The following ERBB4 variants were observed in gnomAD, a reference collection of about 807,000 sequenced individuals.
The protein encoded by ERBB4 is receptor tyrosine-protein kinase erbB-4.
In ERBB4, 42 loss-of-function variants were observed where a neutral mutation model predicts 158.0. The ratio of observed to expected loss-of-function variants is 0.27; its 90% CI spans 0.21 to 0.34. The LOEUF is 0.34. Among genes scored for constraint, ERBB4 ranks in the 10% least tolerant of loss-of-function variants. The pLI, the probability that ERBB4 is intolerant of heterozygous loss-of-function variation, is 1.00. For synonymous variants in ERBB4, 583 were observed against 558.7 expected (o/e 1.04, Z -0.61); for missense variants, 1,333 against 1,624.1 (o/e 0.82, Z 3.08).
intron 19 of ERBB4, among the ~76,000 whole-genome samples, chr2:211,615,884 G>A (rs893934275): frequency 6.6e-6 from 1 of 152,042 alleles, no homozygotes; most frequent in Non-Finnish European, 1.5e-5. Context: ...GGAGAAAAGG[G>A]AGTCTAATGA....
intron 2 of ERBB4, among the ~76,000 whole-genome samples, chr2:212,087,662 G>T (rs139691685): frequency 1.3e-5 from 2 of 152,016 alleles, no homozygotes; most frequent in African/African-American, 4.8e-5. Context: ...CCGGGAGACA[G>T]GTTCTCAGTC....
chr2:211,642,039 GT>G (rs1241082639), intron 16 of ERBB4, among the ~76,000 whole-genome samples: 1 of 151,830 alleles, frequency 6.6e-6, no homozygotes, highest in Non-Finnish European at 1.5e-5. Context: ...GTAATAATGA[GT>G]TCTTAAAAAT....
chr2:211,543,454 A>C (rs10192302), intron 20 of ERBB4, among the ~76,000 whole-genome samples: 49,654 of 151,854 alleles, frequency 0.33, 9,336 homozygotes, highest in East Asian at 0.62. Context: ...GGCTCACAGA[A>C]TTCTCCCTTC....
chr2:211,554,729 G>A (rs978248141), intron 20 of ERBB4, among the ~76,000 whole-genome samples: 2 of 152,116 alleles, frequency 1.3e-5, no homozygotes, highest in South Asian at 2.1e-4. Context: ...GTTGGTATTC[G>A]GCTCCTGACT....
At chr2:211,403,402 A>G (rs1017174373) in intron 25 of ERBB4, among the ~76,000 whole-genome samples, 5 of 152,104 alleles carry the variant, frequency 3.3e-5, no homozygotes, top group Non-Finnish European at 7.4e-5. Flanking sequence ...ATTATACCAC[A>G]GGTTCTTATC....
chr2:211,839,815 G>T (rs1020915802), intron 3 of ERBB4, among the ~76,000 whole-genome samples: 1 of 151,642 alleles, frequency 6.6e-6, no homozygotes, highest in Non-Finnish European at 1.5e-5. Flanking sequence ...CTCCAAGATG[G>T]GTGAGTGTGC....
At chr2:212,181,769 A>G (rs1212500350) in intron 1 of ERBB4, among the ~76,000 whole-genome samples, 1 of 151,782 alleles carries the variant, frequency 6.6e-6, no homozygotes, top group Non-Finnish European at 1.5e-5. Context: ...AAGAGACCCA[A>G]TTTCCAATTA....
intron 2 of ERBB4, among the ~76,000 whole-genome samples, chr2:212,052,480 T>G (rs1378343191): frequency 6.6e-6 from 1 of 152,120 alleles, no homozygotes; most frequent in Non-Finnish European, 1.5e-5. Context: ...ACTAGTTCTG[T>G]CCCCCTAGAG....
At chr2:212,355,796 G>A (rs2089441344) in intron 1 of ERBB4, among the ~76,000 whole-genome samples, 1 of 151,818 alleles carries the variant, frequency 6.6e-6, no homozygotes, top group Admixed American at 6.6e-5. Flanking sequence ...ATGCATGTAT[G>A]TATATATGTG....
chr2:211,912,195 A>T (rs2079557072), intron 3 of ERBB4, among the ~76,000 whole-genome samples: 1 of 152,138 alleles, frequency 6.6e-6, no homozygotes, highest in Non-Finnish European at 1.5e-5. Flanking sequence ...GAAGAGAAAA[A>T]GGGAGTAAAG....
At chr2:212,286,090 A>G (rs953831) in intron 1 of ERBB4, among the ~76,000 whole-genome samples, 29,207 of 152,114 alleles carry the variant, frequency 0.19, 3,461 homozygotes, top group African/African-American at 0.34. Flanking sequence ...GTGTCTCCTC[A>G]TAATCACTTC....
At chr2:212,080,227 C>T (rs1477743594) in intron 2 of ERBB4, among the ~76,000 whole-genome samples, 1 of 151,574 alleles carries the variant, frequency 6.6e-6, no homozygotes. Flanking sequence ...CAGGAAAATC[C>T]GTTTGAACCC....
chr2:211,964,686 G>A (rs2081266366), intron 2 of ERBB4, among the ~76,000 whole-genome samples: 1 of 152,070 alleles, frequency 6.6e-6, no homozygotes, highest in Non-Finnish European at 1.5e-5. Context: ...TCATGCTAAG[G>A]TCTATTTAGC....
intron 1 of ERBB4, among the ~76,000 whole-genome samples, chr2:212,147,157 A>AT (rs71397161): frequency 0.097 from 3,303 of 34,112 alleles, 595 homozygotes; most frequent in African/African-American, 0.15. Context: ...TGCCCAGCTA[A>AT]TTTTTTTTTT....
intron 3 of ERBB4, among the ~76,000 whole-genome samples, chr2:211,922,232 G>A (rs1387783727): frequency 6.6e-6 from 1 of 152,070 alleles, no homozygotes; most frequent in Non-Finnish European, 1.5e-5. Flanking sequence ...TGCAAATGGA[G>A]AACTGAAAAG....
chr2:212,460,162 G>T (rs767789927), intron 1 of ERBB4, among the ~76,000 whole-genome samples: 3 of 152,136 alleles, frequency 2.0e-5, no homozygotes, highest in Admixed American at 6.5e-5. Flanking sequence ...TGATTGTGAG[G>T]CTCCCCCAGC....
chr2:211,393,474 T>C (rs956123855), intron 25 of ERBB4, among the ~76,000 whole-genome samples: 3 of 152,192 alleles, frequency 2.0e-5, no homozygotes, highest in Non-Finnish European at 4.4e-5. Context: ...ATTTTGACTT[T>C]AGCATTTCTA....
chr2:211,683,521 CT>C (rs2072442074), intron 12 of ERBB4, among the ~76,000 whole-genome samples: 1 of 151,988 alleles, frequency 6.6e-6, no homozygotes, highest in Admixed American at 6.6e-5. Flanking sequence ...TTGTTTGTTT[CT>C]TTTTATTGAC....
intron 1 of ERBB4, among the ~76,000 whole-genome samples, chr2:212,344,611 G>A (rs1260796743): frequency 7.3e-5 from 1 of 13,772 alleles, no homozygotes. Flanking sequence ...GTAATACAAA[G>A]AAAAATGTTT....
Sources: allele counts gnomAD v4.1 joint callset (sites outside exome capture counted in the v4.1 genomes callset), GRCh38; gene constraint gnomAD v4.1.1; transcripts MANE v1.5; gene names NCBI Gene and HGNC (gene_info 2026-07-23, HGNC 2026-07-21).